Variants in FHL5 observed in about 807,000 individuals in gnomAD.
FHL5 encodes the protein four and a half LIM domains protein 5.
Under a neutral mutation model 32.0 loss-of-function variants are expected in FHL5, and 33 were observed. That is an observed-to-expected ratio of 1.03 (90% CI 0.78 to 1.38). FHL5 has a LOEUF of 1.38. Among genes scored for constraint, FHL5 ranks in the 40% most tolerant of loss-of-function variants. The probability of loss-of-function intolerance (pLI) is 0.00; values close to 1 mark genes in which losing one functional copy is unlikely to be tolerated. For synonymous variants in FHL5, 114 were observed against 113.6 expected (o/e 1.00, Z -0.02); for missense variants, 336 against 343.9 (o/e 0.98, Z 0.18).
At chr6:96,566,915 T>C (rs1770370379) in intron 1 of FHL5, among the ~76,000 whole-genome samples, 1 of 151,990 alleles carries the variant, frequency 6.6e-6, no homozygotes, top group African/African-American at 2.4e-5. Context: ...AGTTTGCAAA[T>C]ACTTTCTCCT....
At chr6:96,566,824 T>G (rs1200232916) in intron 1 of FHL5, among the ~76,000 whole-genome samples, 1 of 151,972 alleles carries the variant, frequency 6.6e-6, no homozygotes, top group Non-Finnish European at 1.5e-5. Flanking sequence ...ATTCAGCTTA[T>G]TTGTCTGCTT....
chr6:96,572,930 C>T (rs1770509893), intron 1 of FHL5, among the ~76,000 whole-genome samples: 5 of 152,164 alleles, frequency 3.3e-5, no homozygotes, highest in Non-Finnish European at 7.3e-5. Context: ...AATGCAGCTG[C>T]TTTTCCATTG....
At chr6:96,603,543 C>A in intron 1 of FHL5, 59 bp from the exon 2 acceptor site, 2 of 1,256,918 alleles carry the variant, frequency 1.6e-6, no homozygotes, top group Non-Finnish European at 2.3e-6. Flanking sequence ...AAGGTTTCAT[C>A]ATTTATCCTA....
chr6:96,572,828 TG>T (rs1258124563), intron 1 of FHL5, among the ~76,000 whole-genome samples: 2 of 152,152 alleles, frequency 1.3e-5, no homozygotes, highest in African/African-American at 4.8e-5. Flanking sequence ...TGATCCCACT[TG>T]GGGGATGGGA....
rs1771201919 is a variant in FHL5, at chr6:96,603,618, C to A, written c.5C>A (p.Thr2Lys). 3 of 1,609,316 alleles carry A rather than the reference C, an allele frequency of 1.9e-6. No homozygotes were observed. The African/African-American group carries it at 4.0e-5, about 21-fold the overall frequency. M[T>K]TAHFYCQYCT... ...CATTCATAGGATCAAACCAAAATGA[C>A]AACTGCTCACTTTTACTGTCAATAC... Residue 2 changes from threonine to lysine, a missense_variant, in exon 2 of 6, where the codon ACA becomes AAA. Coordinates refer to ENST00000450218, the MANE Select transcript of FHL5 (RefSeq NM_001322466.2).
chr6:96,580,950 C>T (rs1043682320), intron 1 of FHL5, among the ~76,000 whole-genome samples: 1 of 152,154 alleles, frequency 6.6e-6, no homozygotes, highest in African/African-American at 2.4e-5. Context: ...GCTTCCAATA[C>T]TATCCATGTA....
intron 2 of FHL5, 123 bp downstream of exon 2, chr6:96,603,895 C>T: frequency 1.3e-6 from 1 of 743,920 alleles, no homozygotes; most frequent in Non-Finnish European, 2.2e-6. Context: ...ATATAAGGAT[C>T]TTAAAAGTTA....
intron 1 of FHL5, among the ~76,000 whole-genome samples, chr6:96,586,827 G>A (rs980206309): frequency 1.3e-5 from 2 of 152,158 alleles, no homozygotes; most frequent in African/African-American, 4.8e-5. Flanking sequence ...CTTAACACTT[G>A]TGTGCCAAAA....
chr6:96,589,827 T>A (rs1770878556), intron 1 of FHL5, among the ~76,000 whole-genome samples: 1 of 152,072 alleles, frequency 6.6e-6, no homozygotes, highest in African/African-American at 2.4e-5. Context: ...ATGGTTCACC[T>A]GGAAATAATC....
intron 5 of FHL5, among the ~76,000 whole-genome samples, chr6:96,613,151 TG>T (rs1389645675): frequency 6.6e-6 from 1 of 152,230 alleles, no homozygotes; most frequent in Non-Finnish European, 1.5e-5. Context: ...GTAATAGATA[TG>T]TTAATTGCCT....
chr6:96,579,924 A>C (rs1341424499), intron 1 of FHL5, among the ~76,000 whole-genome samples: 1 of 152,168 alleles, frequency 6.6e-6, no homozygotes, highest in African/African-American at 2.4e-5. Context: ...GTAAGAGTCT[A>C]AAGTCTGTAG....
At chr6:96,571,945 C>T (rs1401226518) in intron 1 of FHL5, among the ~76,000 whole-genome samples, 9 of 152,008 alleles carry the variant, frequency 5.9e-5, no homozygotes, top group Admixed American at 1.3e-4. Context: ...GTTGTTTGTT[C>T]CCTGGGTGAC....
At chr6:96,583,293 G>A (rs1175711532) in intron 1 of FHL5, among the ~76,000 whole-genome samples, 5 of 152,096 alleles carry the variant, frequency 3.3e-5, no homozygotes, top group African/African-American at 1.2e-4. Context: ...TTTAAAATAC[G>A]TGAATTTTAA....
At chr6:96,571,124 C>T (rs1218986112) in intron 1 of FHL5, among the ~76,000 whole-genome samples, 1 of 151,980 alleles carries the variant, frequency 6.6e-6, no homozygotes, top group Non-Finnish European at 1.5e-5. Flanking sequence ...TCACCTTTTT[C>T]AAACTTTCTG....
At chr6:96,611,061 C>A (rs1248112177) in intron 5 of FHL5, among the ~76,000 whole-genome samples, 1 of 152,134 alleles carries the variant, frequency 6.6e-6, no homozygotes, top group Non-Finnish European at 1.5e-5. Context: ...TTAGTGCAGG[C>A]CTTCACGAGG....
At chr6:96,578,841 C>T (rs1049064202) in intron 1 of FHL5, among the ~76,000 whole-genome samples, 1 of 147,760 alleles carries the variant, frequency 6.8e-6, no homozygotes, top group Non-Finnish European at 1.5e-5. Context: ...GACCCTGTCT[C>T]AAAAAAAAAT....
At chr6:96,583,550 C>A (rs1770736693) in intron 1 of FHL5, among the ~76,000 whole-genome samples, 1 of 152,144 alleles carries the variant, frequency 6.6e-6, no homozygotes, top group African/African-American at 2.4e-5. Context: ...ATGCAGCTCC[C>A]AACAGAGAAC....
chr6:96,603,466 T>C (rs1057035264), intron 1 of FHL5, 136 bp from the exon 2 acceptor site: 3 of 623,364 alleles, frequency 4.8e-6, no homozygotes, highest in African/African-American at 3.8e-5. Flanking sequence ...AAGCATACTT[T>C]CCTAAATTGG....
chr6:96,572,082 C>G (rs894288511), intron 1 of FHL5, among the ~76,000 whole-genome samples: 4 of 152,116 alleles, frequency 2.6e-5, no homozygotes, highest in Non-Finnish European at 4.4e-5. Flanking sequence ...GTTTATAGAG[C>G]AAGGTGTCTC....
Sources: allele counts gnomAD v4.1 joint callset (sites outside exome capture counted in the v4.1 genomes callset), GRCh38; gene constraint gnomAD v4.1.1; transcripts MANE v1.5; gene names NCBI Gene and HGNC (gene_info 2026-07-23, HGNC 2026-07-21).